Variants in KIF17 observed in about 807,000 individuals in gnomAD.
KIF17 encodes the protein kinesin-like protein KIF17.
Under a neutral mutation model 96.8 loss-of-function variants are expected in KIF17, and 80 were observed. That is an observed-to-expected ratio of 0.83 (90% CI 0.69 to 1.00). KIF17 has a LOEUF of 1.00. Among genes scored for constraint, KIF17 ranks in the 50% least tolerant of loss-of-function variants. The pLI, the probability that KIF17 is intolerant of heterozygous loss-of-function variation, is 0.00. For synonymous variants in KIF17, 567 were observed against 587.5 expected (o/e 0.97, Z 0.51); for missense variants, 1,280 against 1,372.9 (o/e 0.93, Z 1.07).
rs1240591492 is a variant in KIF17, at chr1:20,684,986, A to C, written c.2054T>G (p.Val685Gly). Residue 685 changes from valine to glycine, a missense_variant, in exon 10 of 15, where the codon GTG (valine) becomes GGG (glycine). Val to Gly is a moderately radical substitution (Grantham distance 109, BLOSUM62 -3). Coordinates refer to ENST00000400463, the MANE Select transcript of KIF17 (RefSeq NM_001122819.3). ...CACGCCAGGCTCTGCTGTCCGCACC[A>C]CCTCTAAGGCCACTTCCGAGGCCAG... ...VDLASEVALE[V>G]VRTAEPGVWL... 1.9e-6 allele frequency: 3 copies of C among 1,604,478 alleles called. No homozygotes were observed. Among genetic ancestry groups the C allele is most frequent in the Non-Finnish European group, 1.7e-6 (2 of 1,175,814 alleles).
chr1:20,696,851 C>T (rs1224937737), intron 6 of KIF17, among the ~76,000 whole-genome samples: 1 of 152,202 alleles, frequency 6.6e-6, no homozygotes. Context: ...CAGCCATCCC[C>T]CAGGGCCCCT....
At chr1:20,698,260 G>C (rs2054175875) in intron 6 of KIF17, 119 bp downstream of exon 6, 3 of 736,470 alleles carry the variant, frequency 4.1e-6, no homozygotes, top group South Asian at 1.5e-5. Context: ...GCTTTCTCAG[G>C]ACCAAACCCA....
chr1:20,665,217 CTCTTT>C (rs2053504566), intron 14 of KIF17, among the ~76,000 whole-genome samples: 1 of 63,702 alleles, frequency 1.6e-5, no homozygotes, highest in African/African-American at 6.2e-5. Context: ...CTCAAATTTG[CTCTTT>C]TTTTTTTTTT....
intron 6 of KIF17, chr1:20,693,521 CT>C (rs1441671616): frequency 6.6e-6 from 1 of 152,198 alleles, no homozygotes; most frequent in Non-Finnish European, 1.5e-5. Flanking sequence ...CCACCTCAGC[CT>C]CCCAAAGCGC....
intron 12 of KIF17, 126 bp from the exon 13 acceptor site, chr1:20,670,614 C>T (rs1188791145): frequency 1.2e-6 from 1 of 848,062 alleles, no homozygotes; most frequent in African/African-American, 1.7e-5. Context: ...CCAGCCCAAG[C>T]CAAGGGATAA....
rs1490877290 is a variant in KIF17 at position 20,682,671 on chromosome 1, C to T, written c.2445G>A (p.Leu815=). The change falls in exon 11 of 15, where the codon CTG becomes CTA. Residue 815 remains leucine, a synonymous_variant. Coordinates refer to ENST00000400463, the MANE Select transcript of KIF17 (RefSeq NM_001122819.3). Reference sequence around the variant, plus strand: ...GCCTCACCTTCCTCTGCATCTTCTCCAGCAGCTTGCTCTTGGCCCGCACTT... The same window carrying T: ...GCCTCACCTTCCTCTGCATCTTCTCTAGCAGCTTGCTCTTGGCCCGCACTT... ...QEEVRAKSKL[L]EKMQRKLRAA... 1.2e-6 allele frequency: 2 copies of T among 1,614,086 alleles called. No homozygotes were observed. Among genetic ancestry groups the T allele is most frequent in the Non-Finnish European group, 1.7e-6 (2 of 1,180,034 alleles).
chr1:20,677,211 A>G (rs1303523022), intron 11 of KIF17, among the ~76,000 whole-genome samples: 1 of 152,242 alleles, frequency 6.6e-6, no homozygotes, highest in East Asian at 1.9e-4. Flanking sequence ...ACCTCGTCTC[A>G]ATAAAGAAAA....
intron 7 of KIF17, among the ~76,000 whole-genome samples, chr1:20,688,740 T>C (rs972258787): frequency 1.3e-5 from 2 of 152,176 alleles, no homozygotes; most frequent in African/African-American, 4.8e-5. Flanking sequence ...ATGAATGCTG[T>C]GGATGAATGT....
intron 11 of KIF17, among the ~76,000 whole-genome samples, chr1:20,673,517 T>C (rs1397363905): frequency 1.3e-5 from 2 of 148,794 alleles, no homozygotes; most frequent in Non-Finnish European, 3.0e-5. Context: ...TGAGCTACAG[T>C]GGCCCAGCCT....
chr1:20,707,942 T>A (rs1268284319), intron 4 of KIF17, among the ~76,000 whole-genome samples: 1 of 151,260 alleles, frequency 6.6e-6, no homozygotes, highest in Admixed American at 6.6e-5. Flanking sequence ...AATGCTTAAA[T>A]GTTAGTGGTA....
intron 6 of KIF17, among the ~76,000 whole-genome samples, chr1:20,693,427 G>A (rs1214105966): frequency 6.6e-6 from 1 of 151,068 alleles, no homozygotes; most frequent in East Asian, 2.0e-4. Context: ...ACCACACTCG[G>A]CTAATTTTTT....
chr1:20,692,341 CT>C (rs542078632), intron 6 of KIF17, among the ~76,000 whole-genome samples: 68 of 147,604 alleles, frequency 4.6e-4, no homozygotes, highest in East Asian at 1.4e-3. Context: ...TCCTCTATTG[CT>C]TTTTTTTTTT....
intron 3 of KIF17, 118 bp downstream of exon 3, chr1:20,713,336 G>A (rs778160418): frequency 6.6e-5 from 38 of 578,108 alleles, no homozygotes; most frequent in African/African-American, 2.0e-4. Flanking sequence ...AAAAAGTCCC[G>A]ACTCTAGCCT....
At chr1:20,680,004 A>G (rs2053803186) in intron 11 of KIF17, among the ~76,000 whole-genome samples, 1 of 135,186 alleles carries the variant, frequency 7.4e-6, no homozygotes, top group Non-Finnish European at 1.6e-5. Context: ...GATTGATTTG[A>G]GACAGGGTCT....
Position 20,684,695 on chromosome 1 carries a change from C to T in KIF17, c.2231+114G>A, listed in dbSNP as rs75612459. 4.7e-5 allele frequency: 52 copies of T among 1,116,906 alleles called. 1 individual carries two copies. The African/African-American group carries it at 6.3e-4, about 14-fold the overall frequency. The allele number at this position is 1,116,906 out of a possible 1,614,324, so 69.2% of individuals were successfully genotyped here. ...TGGAGAGAGGATCAGGGCCGCCCTG[C>T]CAAGTTAGAAGGGAGAGCTGGGAGG... On this transcript the variant is annotated intron_variant, in intron 10 of 14. Transcript: ENST00000400463.
intron 8 of KIF17, 183 bp from the exon 9 acceptor site, chr1:20,686,309 A>G (rs1439744869): frequency 4.6e-6 from 3 of 655,164 alleles, no homozygotes. Flanking sequence ...AGAACAGGGA[A>G]GAGAGGAAAC....
In KIF17 at chr1:20,685,602, G is replaced by A. The variant is rs1056765363; in HGVS notation, c.2019+444C>T. 1.3e-5 allele frequency among the ~76,000 whole-genome samples: 2 copies of A among 152,150 alleles called. No individual in the cohort carries two copies. The highest frequency in any genetic ancestry group is 2.1e-4 in the South Asian group (1 of 4,824). ...CTGCTGAGAGCCTGCTGCAGGCCCGGTGCCCAGCCCACACTTGAGTCCAAA... is the reference window on the plus strand; with the variant it reads ...CTGCTGAGAGCCTGCTGCAGGCCCGATGCCCAGCCCACACTTGAGTCCAAA... On this transcript the variant is annotated intron_variant, in intron 9 of 14. Transcript: ENST00000400463. This position sits in a 1 kb window ranked among gnomAD's most constrained non-coding sequence, Gnocchi z 4.1.
intron 14 of KIF17, among the ~76,000 whole-genome samples, chr1:20,665,560 C>A (rs1030138528): frequency 2.8e-4 from 42 of 152,050 alleles, no homozygotes; most frequent in Admixed American, 1.6e-3. Context: ...CCACTACCGC[C>A]CGGCTAATTT....
At position 20,717,713 on chromosome 1, in the gene KIF17, G is replaced by T. The variant is rs769072995; in HGVS notation, c.-7C>A. 7 of 1,568,720 alleles carry T rather than the reference G, an allele frequency of 4.5e-6. No individual in the cohort carries two copies. The East Asian group carries it at 1.4e-4, about 31-fold the overall frequency. On this transcript the variant is annotated 5_prime_UTR_variant, in exon 1 of 15. Transcript: ENST00000400463. ...TCACCGCCTCGGAGGCCATGGCGCC[G>T]CGCCCAGGACCAACGGGACCAGAGC... is the stretch of plus-strand genomic sequence containing the variant.
Sources: gnomAD v4.1 joint callset for allele counts (sites outside exome capture counted in the v4.1 genomes callset) on GRCh38, gnomAD v4.1.1 for gene constraint, Gnocchi (gnomAD v3.1) non-coding constraint, MANE v1.5 for transcripts, NCBI Gene and HGNC (gene_info 2026-07-23, HGNC 2026-07-21) for gene names.